ARHGAP32: variants seen among roughly 807,000 people sequenced by gnomAD.
The protein encoded by ARHGAP32 is rho GTPase-activating protein 32.
ARHGAP32 carries 51 observed loss-of-function variants against 186.5 expected under a neutral mutation model. The observed-to-expected ratio is 0.27, with a 90% CI of 0.22 to 0.35. The LOEUF (loss-of-function observed/expected upper bound fraction) is 0.35, where lower values mean the gene tolerates loss of function less well. ARHGAP32 is among the 10% of genes least tolerant of loss of function. ARHGAP32 has a pLI of 1.00. For missense variants in ARHGAP32, 2,186 were observed against 2,623.5 expected, an observed-to-expected ratio of 0.83 and a Z score of 3.64; for synonymous variants, 950 against 964.3, an observed-to-expected ratio of 0.99 and a Z score of 0.27.
intron 6 of ARHGAP32, among the ~76,000 whole-genome samples, chr11:129,084,356 A>T (rs540482138): frequency 6.6e-6 from 1 of 151,964 alleles, no homozygotes; most frequent in South Asian, 2.1e-4. Flanking sequence ...AGAAAAAAAA[A>T]AAAAAACTAC....
chr11:129,168,961 G>T (rs1207397872), intron 1 of ARHGAP32, among the ~76,000 whole-genome samples: 1 of 152,058 alleles, frequency 6.6e-6, no homozygotes, highest in South Asian at 2.1e-4. Context: ...CTTTTTATGT[G>T]AATGATAATG....
intron 2 of ARHGAP32, among the ~76,000 whole-genome samples, chr11:129,135,400 C>A (rs143527504): frequency 2.6e-5 from 4 of 152,166 alleles, no homozygotes; most frequent in African/African-American, 2.4e-5. Flanking sequence ...GACAAAGGCA[C>A]CACCGCAATT....
At chr11:129,100,363 C>G (rs962390237) in intron 5 of ARHGAP32, among the ~76,000 whole-genome samples, 1 of 152,196 alleles carries the variant, frequency 6.6e-6, no homozygotes, top group Non-Finnish European at 1.5e-5. Context: ...GCAGGGCAGC[C>G]TCACATGTCC....
chr11:129,269,199 A>G (rs1392375326), intron 1 of ARHGAP32, among the ~76,000 whole-genome samples: 1 of 152,166 alleles, frequency 6.6e-6, no homozygotes, highest in Non-Finnish European at 1.5e-5. Context: ...TGAGCCCAGT[A>G]AGTCGAGGCT....
At chr11:129,000,957 T>C (rs189781153) in intron 11 of ARHGAP32, among the ~76,000 whole-genome samples, 42 of 152,286 alleles carry the variant, frequency 2.8e-4, no homozygotes, top group Admixed American at 9.8e-4. Flanking sequence ...AATGACTGAA[T>C]CTCATTATTT....
rs367596459 is a variant in ARHGAP32, at chr11:129,057,019, G to A, written c.963+5261C>T. Among the ~76,000 whole-genome samples the A allele has an allele frequency of 5.1e-3, 773 of 152,226 alleles. 8 individuals are homozygous for A. Among genetic ancestry groups the A allele is most frequent in the South Asian group, 0.044 (213 of 4,818 alleles). ...GGGAAGACACTGCCACCTCTGTGAC[G>A]CACAGCCTCCTCCGTGTTCTGCAGC... is the stretch of plus-strand genomic sequence containing the variant. On this transcript the variant is annotated intron_variant, in intron 10 of 22. Coordinates refer to ENST00000682385, the MANE Select transcript of ARHGAP32 (RefSeq NM_001378024.1).
intron 2 of ARHGAP32, among the ~76,000 whole-genome samples, chr11:129,131,174 C>T (rs1228534196): frequency 2.7e-5 from 4 of 150,716 alleles, no homozygotes; most frequent in South Asian, 2.1e-4. Flanking sequence ...GTGAGAAATA[C>T]GAAAAAACCT....
intron 6 of ARHGAP32, among the ~76,000 whole-genome samples, chr11:129,076,752 G>A (rs776559448): frequency 2.0e-5 from 3 of 152,138 alleles, no homozygotes; most frequent in Non-Finnish European, 4.4e-5. Flanking sequence ...GTGGCTAGGA[G>A]GCAAGACTAA....
At chr11:129,189,467 A>C (rs1486780685) in intron 1 of ARHGAP32, among the ~76,000 whole-genome samples, 2 of 152,198 alleles carry the variant, frequency 1.3e-5, no homozygotes, top group Non-Finnish European at 2.9e-5. Context: ...TTCTTTCTTG[A>C]TAGAATTAAA....
chr11:129,155,245 T>A (rs1943374391), intron 2 of ARHGAP32, among the ~76,000 whole-genome samples: 1 of 152,218 alleles, frequency 6.6e-6, no homozygotes, highest in Non-Finnish European at 1.5e-5. Context: ...TGAACAGCAT[T>A]TCAATTTCCA....
chr11:129,217,356 A>G (rs1053115943), intron 1 of ARHGAP32, among the ~76,000 whole-genome samples: 3 of 152,186 alleles, frequency 2.0e-5, no homozygotes, highest in South Asian at 2.1e-4. Context: ...TATAAGGTTA[A>G]TGAAGAAACT....
At chr11:129,112,536 T>C (rs1274074537) in intron 5 of ARHGAP32, among the ~76,000 whole-genome samples, 1 of 152,142 alleles carries the variant, frequency 6.6e-6, no homozygotes, top group African/African-American at 2.4e-5. Context: ...ATTCAAATAT[T>C]TGGCTGCTTC....
rs1175668409 is a variant in ARHGAP32 at position 128,968,730 on chromosome 11, G to C, written c.*177C>G. 2.1e-6 allele frequency: 1 copy of C among 477,658 alleles called. No individual in the cohort carries two copies. Among genetic ancestry groups the C allele is most frequent in the Non-Finnish European group, 3.4e-6 (1 of 291,746 alleles). The allele number at this position is 477,658 out of a possible 1,614,324, so 29.6% of individuals were successfully genotyped here. ...AAAATGACAAAGTCTATAGATGGAA[G>C]AGGGGGTAATGAAGCAGGGAAGGGG... On this transcript the variant is annotated 3_prime_UTR_variant, in exon 23 of 23. Coordinates refer to ENST00000682385, the MANE Select transcript of ARHGAP32 (RefSeq NM_001378024.1).
chr11:129,010,516 G>C (rs925542553), intron 11 of ARHGAP32, among the ~76,000 whole-genome samples: 17 of 152,154 alleles, frequency 1.1e-4, no homozygotes, highest in Non-Finnish European at 2.1e-4. Flanking sequence ...CGTATGGCTA[G>C]CCAGTTCTCC....
intron 10 of ARHGAP32, among the ~76,000 whole-genome samples, chr11:129,059,897 C>G (rs545525871): frequency 6.6e-6 from 1 of 152,266 alleles, no homozygotes; most frequent in East Asian, 1.9e-4. Context: ...CAGGCACACT[C>G]CAACATGATC....
intron 9 of ARHGAP32, among the ~76,000 whole-genome samples, 189 bp from the exon 10 acceptor site, chr11:129,062,546 C>T (rs893399542): frequency 6.6e-6 from 1 of 152,100 alleles, no homozygotes; most frequent in African/African-American, 2.4e-5. Flanking sequence ...AAAGAGAGGT[C>T]TACAAAAAGT....
chr11:129,241,033 C>A (rs1181026179), intron 1 of ARHGAP32, among the ~76,000 whole-genome samples: 2 of 152,186 alleles, frequency 1.3e-5, no homozygotes, highest in Admixed American at 1.3e-4. Context: ...TATTTACCAT[C>A]ACTGCAGCTT....
intron 1 of ARHGAP32, among the ~76,000 whole-genome samples, chr11:129,215,325 G>A (rs950426826): frequency 5.9e-5 from 9 of 152,250 alleles, no homozygotes; most frequent in Non-Finnish European, 1.3e-4. Context: ...TCATGTATGT[G>A]CTAGAACACA....
chr11:129,192,163 A>T lies in ARHGAP32; in HGVS notation c.36T>A (p.Asp12Glu). Residue 12 changes from aspartate to glutamate, a missense_variant, in exon 1 of 23, where the codon GAT becomes GAA. Asp to Glu is a conservative substitution (Grantham distance 45). This residue lies in a region of ARHGAP32 where 108 missense variants were observed against 116.8 expected (regional missense o/e 0.92). Transcript: ENST00000682385. ...ETESESSTLG[D>E]DSVFWLESEV... Reference sequence around the variant, plus strand: ...CAGACTCCAACCAGAAGACACTGTCATCCCCTAAAGTGCTACTCTCACTTT... The same window carrying T: ...CAGACTCCAACCAGAAGACACTGTCTTCCCCTAAAGTGCTACTCTCACTTT... The T allele has an allele frequency of 6.2e-7, 1 of 1,613,926 alleles. No homozygotes were observed. The highest frequency in any genetic ancestry group is 8.5e-7 in the Non-Finnish European group (1 of 1,179,846).
Sources: gnomAD v4.1 joint callset for allele counts (sites outside exome capture counted in the v4.1 genomes callset) on GRCh38, gnomAD v4.1.1 for gene constraint, gnomAD v4.1.1 regional missense constraint, MANE v1.5 for transcripts, NCBI Gene and HGNC (gene_info 2026-07-23, HGNC 2026-07-21) for gene names.